POLN: variants seen among roughly 807,000 people sequenced by gnomAD.
POLN encodes the protein DNA polymerase nu, also known as DNA polymerase N.
Under a neutral mutation model 113.5 loss-of-function variants are expected in POLN, and 108 were observed. That is an observed-to-expected ratio of 0.95 (90% confidence interval 0.81 to 1.12). The LOEUF (loss-of-function observed/expected upper bound fraction) is 1.12. POLN is among the 50% of genes most tolerant of loss of function. POLN has a pLI of 0.00. For missense variants in POLN, 1,097 were observed against 1,077.1 expected (o/e 1.02, Z -0.26); for synonymous variants, 386 against 391.5 (o/e 0.99, Z 0.17).
At chr4:2,175,889 A>C (rs1577742589) in intron 9 of POLN, among the ~76,000 whole-genome samples, 1 of 147,960 alleles carries the variant, frequency 6.8e-6, no homozygotes, top group Non-Finnish European at 1.5e-5. Context: ...CAGTCCCTCC[A>C]CTCAGCTCTT....
intron 23 of POLN, 191 bp downstream of exon 23, chr4:2,080,767 T>G (rs1288325625): frequency 6.2e-6 from 9 of 1,457,994 alleles, no homozygotes; most frequent in Non-Finnish European, 8.1e-6. Flanking sequence ...CCCACGCTGG[T>G]GGATGGCTGG....
At position 2,172,447 on chromosome 4, in the gene POLN, A is replaced by G. The variant is rs141371723; in HGVS notation, c.1375-1266T>C. On this transcript the variant is annotated intron_variant, in intron 11 of 25. Transcript: ENST00000511885. ...TGTATTCGCCCTTAGCTTCCTTTTA[A>G]AAATCTCAACTCCCCTTCCTCTCTT... 6.2e-3 allele frequency among the ~76,000 whole-genome samples: 951 copies of G among 152,286 alleles called. 7 individuals are homozygous for G. Among genetic ancestry groups the G allele is most frequent in the Admixed American group, 0.012 (189 of 15,284 alleles).
intron 19 of POLN, among the ~76,000 whole-genome samples, chr4:2,102,865 A>G (rs1473876394): frequency 6.6e-6 from 1 of 152,198 alleles, no homozygotes; most frequent in Non-Finnish European, 1.5e-5. Context: ...GCACTCAGAA[A>G]CAAAGCCAAA....
intron 11 of POLN, 135 bp downstream of exon 11, chr4:2,173,819 GA>G: frequency 1.2e-6 from 1 of 850,414 alleles, no homozygotes; most frequent in East Asian, 2.4e-5. Context: ...GCAGGCGTCA[GA>G]AAGAGGGAGA....
At chr4:2,212,989 G>C in intron 4 of POLN, 58 bp downstream of exon 4, 20 of 1,210,662 alleles carry the variant, frequency 1.7e-5, no homozygotes, top group Non-Finnish European at 2.4e-5. Context: ...CACTTAATAA[G>C]CATCTATTGA....
intron 5 of POLN, among the ~76,000 whole-genome samples, chr4:2,200,766 G>A (rs1733690179): frequency 6.6e-6 from 1 of 152,098 alleles, no homozygotes. Context: ...AAATGAGAAG[G>A]AACCAGAAAA....
chr4:2,083,000 G>C (rs893786524), intron 21 of POLN: 15 of 152,150 alleles, frequency 9.9e-5, no homozygotes, highest in African/African-American at 3.6e-4. Flanking sequence ...TGACCCTTCT[G>C]AATGTCCCAG....
At chr4:2,157,948 G>A in intron 14 of POLN, 37 bp from the exon 15 acceptor site, 1 of 1,527,194 alleles carries the variant, frequency 6.5e-7, no homozygotes, top group Non-Finnish European at 9.0e-7. Flanking sequence ...TTTTCTTTAA[G>A]TCTTAAGTCT....
intron 2 of POLN, among the ~76,000 whole-genome samples, chr4:2,237,377 A>G (rs1203739005): frequency 6.8e-6 from 1 of 146,738 alleles, no homozygotes; most frequent in Non-Finnish European, 1.5e-5. Context: ...TGGAGGTTGC[A>G]GTGAGCTATC....
At chr4:2,225,594 C>CAGATTTT (rs1031959021) in intron 3 of POLN, among the ~76,000 whole-genome samples, 3 of 148,916 alleles carry the variant, frequency 2.0e-5, no homozygotes, top group Non-Finnish European at 4.4e-5. Flanking sequence ...TGTGGAATTA[C>CAGATTTT]AGATTTTAGT....
chr4:2,115,228 A>ATATATATTTT (rs72052264), intron 19 of POLN, among the ~76,000 whole-genome samples: 14 of 129,986 alleles, frequency 1.1e-4, no homozygotes, highest in African/African-American at 3.2e-4. Context: ...ATATATATAT[A>ATATATATTTT]TTTTTTTTTT....
chr4:2,163,429 T>A (rs1308420547), intron 13 of POLN, among the ~76,000 whole-genome samples: 1 of 152,214 alleles, frequency 6.6e-6, no homozygotes, highest in East Asian at 1.9e-4. Flanking sequence ...GCACTAACCG[T>A]GTACAGAGCA....
intron 16 of POLN, among the ~76,000 whole-genome samples, chr4:2,145,559 C>T (rs1246942891): frequency 2.0e-5 from 3 of 152,162 alleles, no homozygotes; most frequent in Admixed American, 6.5e-5. Context: ...CACTGACCCT[C>T]ATTACTAATA....
intron 19 of POLN, among the ~76,000 whole-genome samples, chr4:2,104,628 T>A (rs1731006976): frequency 6.6e-6 from 1 of 152,184 alleles, no homozygotes; most frequent in East Asian, 1.9e-4. Context: ...AATAAAACTC[T>A]CTGGAGGGAT....
chr4:2,236,615 T>G (rs904420581), intron 2 of POLN, among the ~76,000 whole-genome samples: 3 of 152,022 alleles, frequency 2.0e-5, no homozygotes, highest in African/African-American at 7.2e-5. Flanking sequence ...TCCTAGCACT[T>G]TGGGAGGCCA....
chr4:2,076,000 C>T (rs1354285299), intron 23 of POLN, among the ~76,000 whole-genome samples: 6 of 152,182 alleles, frequency 3.9e-5, no homozygotes, highest in Non-Finnish European at 8.8e-5. Context: ...TTCTTGTGCC[C>T]TCAGGGCTTC....
intron 24 of POLN, among the ~76,000 whole-genome samples, chr4:2,073,661 A>T (rs376981181): frequency 3.3e-5 from 5 of 152,214 alleles, no homozygotes; most frequent in African/African-American, 1.2e-4. Context: ...AGGCTTTCTC[A>T]GGGCTTGCTC....
At chr4:2,240,182 A>G (rs1279704328) in intron 2 of POLN, 1 of 1,614,062 alleles carries the variant, frequency 6.2e-7, no homozygotes, top group Admixed American at 1.7e-5. Context: ...GTCTCTCCTC[A>G]AGGATTTCTT....
At position 2,147,643 on chromosome 4, in the gene POLN, C is replaced by CT. The variant is rs747184067; in HGVS notation, c.1731+9144dup. Among the ~76,000 whole-genome samples, 85 of 79,364 alleles carry CT rather than the reference C, an allele frequency of 1.1e-3. 5 individuals are homozygous for CT. The South Asian group carries it at 0.015, about 14-fold the overall frequency. 52.1% of individuals were successfully genotyped at this position (79,364 alleles called of 152,430 possible). A position where few individuals can be genotyped will look rare whatever the true frequency, so the allele number is the denominator to read the frequency against. On this transcript the variant is annotated intron_variant, in intron 16 of 25. Transcript: ENST00000511885. The stretch of plus-strand genomic sequence containing the variant: ...AGATCAGACATCCAGTTTTTCTTTT[C>CT]TTTTTTTTTTTTTTTTGAGACAAAG...
Sources: allele counts gnomAD v4.1 joint callset (sites outside exome capture counted in the v4.1 genomes callset), GRCh38; gene constraint gnomAD v4.1.1; transcripts MANE v1.5; gene names NCBI Gene and HGNC (gene_info 2026-07-23, HGNC 2026-07-21).